The following FAM133A variants were observed in gnomAD, a reference collection of about 807,000 sequenced individuals.
FAM133A encodes the protein family with sequence similarity 133 member A.
For synonymous variants in FAM133A, 65 were observed against 58.6 expected, an observed-to-expected ratio of 1.11 and a Z score of -0.50; for missense variants, 159 against 164.4, an observed-to-expected ratio of 0.97 and a Z score of 0.18.
rs969485730 is a variant in FAM133A, at chrX:93,705,337, A to G, written c.-103-3980A>G. Among the ~76,000 whole-genome samples, 4 of 112,005 alleles carry G rather than the reference A, an allele frequency of 3.6e-5. No individual in the cohort carries two copies. The East Asian group carries it at 8.4e-4, about 24-fold the overall frequency. ...AGAAAATCAAGTTACTCTTTGTTCT[A>G]TAATAGAAACAGAGAAGATAAGCCA... On this transcript the variant is annotated intron_variant, in intron 3 of 3. Transcript: ENST00000683942.
chrX:93,709,463 C>T lies in FAM133A; in HGVS notation c.44C>T (p.Ala15Val). The T allele has an allele frequency of 8.4e-7, 1 of 1,197,074 alleles. No individual in the cohort carries two copies. Among genetic ancestry groups the T allele is most frequent in the Non-Finnish European group, 1.1e-6 (1 of 891,118 alleles). ...DNRVAYMNPI[A>V]MARWRGPTQS... is the part of the protein sequence containing the mutation. ...CGGGTAGCCTATATGAATCCTATAG[C>T]AATGGCCAGATGGAGAGGCCCAACT... Residue 15 changes from alanine (A) to valine (V), a missense_variant, in exon 4 of 4, where the codon GCA becomes GTA. By Grantham distance (64) the Ala-to-Val change is moderately conservative. Coordinates refer to ENST00000683942, the MANE Select transcript of FAM133A (RefSeq NM_001171109.2).
At chrX:93,697,461 T>G (rs912707868) in intron 2 of FAM133A, among the ~76,000 whole-genome samples, 2 of 111,034 alleles carry the variant, frequency 1.8e-5, no homozygotes, top group African/African-American at 6.5e-5. Flanking sequence ...TTTAACCCGT[T>G]TGAAAATACC....
At position 93,682,163 on chromosome X, in the gene FAM133A, G is replaced by T. The variant is rs767438830; in HGVS notation, c.-193+7411G>T. The stretch of plus-strand genomic sequence containing the variant: ...TTGGGCACATTTCTTAACTCTCTAT[G>T]CCTCAATTTCCTCATCTGTAGAATG... On this transcript the variant is annotated intron_variant, in intron 2 of 3. Transcript: ENST00000683942. Among the ~76,000 whole-genome samples, 6 of 111,709 alleles carry T rather than the reference G, an allele frequency of 5.4e-5. No homozygotes were observed. In the South Asian group the frequency reaches 2.3e-3, roughly 42 times the overall value.
In FAM133A at chrX:93,711,720, G is replaced by A. The variant is rs1195368777; in HGVS notation, c.*1554G>A. On this transcript the variant is annotated 3_prime_UTR_variant, in exon 4 of 4. Coordinates refer to ENST00000683942, the MANE Select transcript of FAM133A (RefSeq NM_001171109.2). ...GTTGGCTGCCAAATTTTTTGCATTG[G>A]AAATACTGGAATCTCTCATTAAAGT... 2 of 122,446 alleles carry A rather than the reference G, an allele frequency of 1.6e-5. No individual in the cohort carries two copies. Among genetic ancestry groups the A allele is most frequent in the African/African-American group, 6.5e-5 (2 of 30,600 alleles). The allele number at this position is 122,446 out of a possible 1,213,427, so 10.1% of individuals were successfully genotyped here.
chrX:93,709,707 GAGAA>G lies in FAM133A; in HGVS notation c.293_296del (p.Lys98ArgfsTer59), dbSNP rs1569355739. ...CTAAAAAAAGAGAAAGAAAGAAAAA[GAGAA>G]AGAAGAAATCTTGTCGGTCTTCATC... On this transcript the variant is annotated frameshift_variant, in exon 4 of 4. Coordinates refer to ENST00000683942, the MANE Select transcript of FAM133A (RefSeq NM_001171109.2). LOFTEE classifies it low-confidence loss of function (END_TRUNC). The G allele has an allele frequency of 8.4e-7, 1 of 1,197,295 alleles. No homozygotes were observed. The highest frequency in any genetic ancestry group is 1.1e-6 in the Non-Finnish European group (1 of 890,203).
At chrX:93,675,372 T>C (rs1379863560) in intron 2 of FAM133A, among the ~76,000 whole-genome samples, 2 of 112,110 alleles carry the variant, frequency 1.8e-5, no homozygotes, top group Non-Finnish European at 3.8e-5. Flanking sequence ...CAATTACTAA[T>C]GGCTATATTT....
intron 3 of FAM133A, among the ~76,000 whole-genome samples, chrX:93,709,033 G>C (rs1927234980): frequency 9.0e-6 from 1 of 111,545 alleles, no homozygotes; most frequent in Non-Finnish European, 1.9e-5. Context: ...AAAGGAAAAA[G>C]TTAAGTATCA....
At chrX:93,703,032 T>C (rs1489805043) in intron 3 of FAM133A, among the ~76,000 whole-genome samples, 4 of 108,288 alleles carry the variant, frequency 3.7e-5, no homozygotes, top group Non-Finnish European at 5.7e-5. Flanking sequence ...TACGAAAAAA[T>C]ACAAAAATTA....
chrX:93,699,593 T>C (rs2147645516), intron 3 of FAM133A, among the ~76,000 whole-genome samples: 1 of 111,189 alleles, frequency 9.0e-6, no homozygotes, highest in South Asian at 3.8e-4. Flanking sequence ...ATTTTCCAAC[T>C]TTTTCTTATG....
At chrX:93,678,112 T>C (rs929658747) in intron 2 of FAM133A, among the ~76,000 whole-genome samples, 2 of 111,793 alleles carry the variant, frequency 1.8e-5, no homozygotes, top group Non-Finnish European at 3.8e-5. Context: ...TTATATTTCT[T>C]TGATGACTAA....
Position 93,711,201 on chromosome X carries a change from T to C in FAM133A, c.*1035T>C, listed in dbSNP as rs999294579. ...GTGAAAAGGTTTTTTTTAAAAAATA[T>C]GTAATGCCTTCATATTGAAGCTGGT... On this transcript the variant is annotated 3_prime_UTR_variant, in exon 4 of 4. Coordinates refer to ENST00000683942, the MANE Select transcript of FAM133A (RefSeq NM_001171109.2). 3 of 122,971 alleles carry C rather than the reference T, an allele frequency of 2.4e-5. No homozygotes were observed. Among genetic ancestry groups the C allele is most frequent in the Admixed American group, 1.9e-4 (2 of 10,425 alleles). 10.1% of individuals were successfully genotyped at this position (122,971 alleles called of 1,213,427 possible).
chrX:93,707,175 T>G (rs1927094175), intron 3 of FAM133A, among the ~76,000 whole-genome samples: 2 of 111,990 alleles, frequency 1.8e-5, no homozygotes, highest in South Asian at 7.4e-4. Context: ...ACTGAAGTAT[T>G]TAAGAGTTTT....
At chrX:93,680,610 C>T (rs1460146056) in intron 2 of FAM133A, among the ~76,000 whole-genome samples, 1 of 111,394 alleles carries the variant, frequency 9.0e-6, no homozygotes, top group Non-Finnish European at 1.9e-5. Context: ...CCAACACTTA[C>T]CTTTCGTCTT....
intron 2 of FAM133A, among the ~76,000 whole-genome samples, chrX:93,683,606 T>C (rs1004223957): frequency 5.4e-5 from 6 of 112,103 alleles, no homozygotes; most frequent in Non-Finnish European, 1.1e-4. Flanking sequence ...CTGTTCTCCA[T>C]AGTGGCTGTA....
intron 2 of FAM133A, among the ~76,000 whole-genome samples, chrX:93,693,898 G>T (rs1012877500): frequency 9.0e-6 from 1 of 111,282 alleles, no homozygotes; most frequent in African/African-American, 3.3e-5. Flanking sequence ...GTTGAATAAA[G>T]AATTACCTAG....
At chrX:93,695,077 A>G (rs1195510323) in intron 2 of FAM133A, among the ~76,000 whole-genome samples, 1 of 111,562 alleles carries the variant, frequency 9.0e-6, no homozygotes, top group Admixed American at 9.5e-5. Flanking sequence ...AAATATGTCT[A>G]TATAGAAGGG....
intron 3 of FAM133A, among the ~76,000 whole-genome samples, chrX:93,708,559 A>G (rs1049133383): frequency 1.8e-5 from 2 of 111,712 alleles, no homozygotes; most frequent in Admixed American, 1.9e-4. Context: ...ATGTTACTTC[A>G]TGTTCAAATT....
chrX:93,699,700 G>C (rs1045546958), intron 3 of FAM133A, among the ~76,000 whole-genome samples: 9 of 111,071 alleles, frequency 8.1e-5, no homozygotes, highest in African/African-American at 2.6e-4. Context: ...TTCTTTCTCT[G>C]TTTTGCTGCA....
At chrX:93,698,353 C>G (rs766556172) in intron 2 of FAM133A, 44 bp from the exon 3 acceptor site, 1 of 111,681 alleles carries the variant, frequency 9.0e-6, no homozygotes, top group African/African-American at 3.2e-5. Flanking sequence ...AGTGCAATAA[C>G]TTTGACAAAC....
Sources: allele counts gnomAD v4.1 joint callset (sites outside exome capture counted in the v4.1 genomes callset), GRCh38; gene constraint gnomAD v4.1.1; transcripts MANE v1.5; gene names NCBI Gene and HGNC (gene_info 2026-07-23, HGNC 2026-07-21).